The following SOX6 variants were observed in gnomAD, a reference collection of about 807,000 sequenced individuals.
SOX6 encodes the protein transcription factor SOX-6.
A neutral mutation model predicts 97.8 loss-of-function variants in SOX6; 11 were observed. The observed-to-expected ratio is 0.11, with a 90% CI of 0.07 to 0.19. The LOEUF is 0.19. Ranked by LOEUF, SOX6 falls within the 10% of genes least tolerant of loss-of-function variation. The probability of loss-of-function intolerance (pLI) is 1.00; values close to 1 mark genes in which losing one functional copy is unlikely to be tolerated. For synonymous variants in SOX6, 360 were observed against 371.4 expected, an observed-to-expected ratio of 0.97 and a Z score of 0.35; for missense variants, 810 against 1,039.5, an observed-to-expected ratio of 0.78 and a Z score of 3.04.
chr11:16,193,341 C>T (rs1362158772), intron 4 of SOX6, among the ~76,000 whole-genome samples: 1 of 152,000 alleles, frequency 6.6e-6, no homozygotes, highest in East Asian at 1.9e-4. Context: ...CGCTGCACCC[C>T]AGTCTGGGCG....
chr11:16,059,584 GA>G (rs1230513559), intron 9 of SOX6, among the ~76,000 whole-genome samples: 23 of 152,076 alleles, frequency 1.5e-4, no homozygotes, highest in African/African-American at 5.5e-4. Flanking sequence ...TAATTTGCAA[GA>G]GCCAGATGTG....
Position 16,613,962 on chromosome 11 carries a change from G to T in SOX6, n.430-1702C>A, listed in dbSNP as rs1482165150. On this transcript the variant is annotated intron_variant and non_coding_transcript_variant, in intron 3 of 5. Coordinates refer to the SOX6 transcript ENST00000524520. This position sits in a 1 kb window ranked among gnomAD's most constrained non-coding sequence, Gnocchi z 4.6. ...AGGGAGGGCGCCCTGCGGGCGGGCG[G>T]GCCACGCTAGGCGCCGTCTGCCCTC... Among the ~76,000 whole-genome samples the T allele has an allele frequency of 6.6e-6, 1 of 152,186 alleles. No homozygotes were observed. The highest frequency in any genetic ancestry group is 1.5e-5 in the Non-Finnish European group (1 of 68,038).
At chr11:16,387,364 A>C (rs1858020759) in intron 1 of SOX6, among the ~76,000 whole-genome samples, 1 of 152,174 alleles carries the variant, frequency 6.6e-6, no homozygotes, top group Admixed American at 6.5e-5. Context: ...CTGCAAAGCA[A>C]AATCACAAAT....
chr11:16,670,176 C>T (rs960479936), intron 3 of SOX6, among the ~76,000 whole-genome samples: 9 of 152,120 alleles, frequency 5.9e-5, no homozygotes, highest in African/African-American at 2.2e-4. Context: ...AAGCACAAAA[C>T]AGCCCCTCTG....
intron 4 of SOX6, among the ~76,000 whole-genome samples, chr11:16,591,547 A>G (rs1361314471): frequency 6.6e-6 from 1 of 152,162 alleles, no homozygotes; most frequent in East Asian, 1.9e-4. Context: ...TGATTCCATC[A>G]TGGTGTGAAT....
chr11:16,432,611 C>G (rs1859292837), intron 1 of SOX6, among the ~76,000 whole-genome samples: 1 of 151,932 alleles, frequency 6.6e-6, no homozygotes, highest in Admixed American at 6.6e-5. Context: ...TTTTTCTAGA[C>G]AGTGGGTCTC....
intron 15 of SOX6, among the ~76,000 whole-genome samples, chr11:15,984,135 A>C (rs182953877): frequency 6.6e-6 from 1 of 152,306 alleles, no homozygotes; most frequent in East Asian, 1.9e-4. Context: ...TGACTTATAT[A>C]TCTAAAATCC....
chr11:16,558,056 C>G (rs1175885962), intron 4 of SOX6, among the ~76,000 whole-genome samples: 4 of 151,894 alleles, frequency 2.6e-5, no homozygotes, highest in African/African-American at 9.7e-5. Flanking sequence ...TTCCAACTAT[C>G]AAGAACTTTT....
At position 16,678,170 on chromosome 11, in the gene SOX6, G is replaced by T. The variant is rs189121549; in HGVS notation, n.429+36660C>A. Among the ~76,000 whole-genome samples, 1,171 of 151,442 alleles carry T rather than the reference G, an allele frequency of 7.7e-3. 14 individuals carry two copies. Among genetic ancestry groups the T allele is most frequent in the African/African-American group, 0.027 (1,117 of 41,294 alleles). ...ATTAATTTTCATTTTGATCTTTATT[G>T]TTTCTTTCCACATGGTTAGTTTGGG... On this transcript the variant is annotated intron_variant and non_coding_transcript_variant, in intron 3 of 5. Coordinates refer to the SOX6 transcript ENST00000524520.
chr11:16,197,524 C>G (rs1163277445), intron 4 of SOX6, among the ~76,000 whole-genome samples: 1 of 152,122 alleles, frequency 6.6e-6, no homozygotes, highest in East Asian at 1.9e-4. Context: ...GAAAATGGAA[C>G]TGGAAATTTC....
intron 3 of SOX6, chr11:16,312,457 A>G (rs1855631907): frequency 6.6e-6 from 1 of 152,176 alleles, no homozygotes; most frequent in Non-Finnish European, 1.5e-5. Flanking sequence ...GATACACAAG[A>G]CATGATAGTG....
intron 13 of SOX6, among the ~76,000 whole-genome samples, chr11:16,007,367 C>G (rs942076510): frequency 2.6e-5 from 4 of 151,980 alleles, no homozygotes; most frequent in Admixed American, 2.6e-4. Flanking sequence ...CTTATAGGAC[C>G]ACCATCATAT....
upstream of SOX6, among the ~76,000 whole-genome samples, chr11:16,479,037 G>C (rs1175072605): frequency 6.6e-6 from 1 of 151,912 alleles, no homozygotes; most frequent in East Asian, 1.9e-4. Flanking sequence ...TGGACAGTAA[G>C]AACACAAAAA....
chr11:16,349,757 A>G (rs1316095009), intron 1 of SOX6, among the ~76,000 whole-genome samples: 1 of 148,524 alleles, frequency 6.7e-6, no homozygotes. Flanking sequence ...GGAAGGAAGG[A>G]AGGGAAGGAA....
rs141212615 is a variant in SOX6, at chr11:16,519,898, G to A, written n.610-43510C>T. 2.0e-3 allele frequency among the ~76,000 whole-genome samples: 298 copies of A among 152,308 alleles called. 2 individuals carry two copies. Among genetic ancestry groups the A allele is most frequent in the Middle Eastern group, 0.01 (3 of 294 alleles). On this transcript the variant is annotated intron_variant and non_coding_transcript_variant, in intron 4 of 5. Transcript: ENST00000524520. The stretch of plus-strand genomic sequence containing the variant: ...CTTTTTAATAGCAATTTTGACTGGT[G>A]TGAGATGCTAACTCATTGTGGTTTT...
At chr11:16,297,492 A>C (rs1263600592) in intron 3 of SOX6, among the ~76,000 whole-genome samples, 1 of 152,122 alleles carries the variant, frequency 6.6e-6, no homozygotes, top group Non-Finnish European at 1.5e-5. Context: ...GCAGAAAAAA[A>C]ATCTATTTAA....
intron 9 of SOX6, among the ~76,000 whole-genome samples, chr11:16,078,392 A>G (rs955561074): frequency 6.6e-6 from 1 of 152,212 alleles, no homozygotes; most frequent in Non-Finnish European, 1.5e-5. Context: ...CCACAAACTA[A>G]GAGTCATAAG....
intron 6 of SOX6, among the ~76,000 whole-genome samples, chr11:16,173,634 G>C (rs1287989094): frequency 1.4e-5 from 2 of 146,700 alleles, no homozygotes; most frequent in Non-Finnish European, 3.0e-5. Context: ...GAAACTACTA[G>C]ACAAGAAAAA....
chr11:16,080,947 G>A (rs925260289), intron 9 of SOX6, among the ~76,000 whole-genome samples: 1 of 151,998 alleles, frequency 6.6e-6, no homozygotes, highest in African/African-American at 2.4e-5. Flanking sequence ...AAATTAGTCA[G>A]GCATGGTGAC....
Sources: gnomAD v4.1 joint callset for allele counts (sites outside exome capture counted in the v4.1 genomes callset) on GRCh38, gnomAD v4.1.1 for gene constraint, Gnocchi (gnomAD v3.1) non-coding constraint, MANE v1.5 for transcripts, NCBI Gene and HGNC (gene_info 2026-07-23, HGNC 2026-07-21) for gene names.